The following MYO9A variants were observed in gnomAD, a reference collection of about 807,000 sequenced individuals.
MYO9A encodes the protein myosin IXA.
MYO9A carries 103 observed loss-of-function variants against 293.3 expected under a neutral mutation model. The ratio of observed to expected loss-of-function variants is 0.35; its 90% CI spans 0.30 to 0.41. The LOEUF is 0.41. MYO9A is among the 10% of genes least tolerant of loss of function. The probability of loss-of-function intolerance (pLI) is 1.00; values close to 1 mark genes in which losing one functional copy is unlikely to be tolerated. For missense variants in MYO9A, 2,685 were observed against 3,033.0 expected (o/e 0.89, Z 2.69); for synonymous variants, 1,001 against 1,035.7 (o/e 0.97, Z 0.64).
At chr15:72,072,874 A>T (rs145379833) in intron 1 of MYO9A, among the ~76,000 whole-genome samples, 171 of 152,226 alleles carry the variant, frequency 1.1e-3, no homozygotes, top group African/African-American at 3.9e-3. Context: ...AGGAACCCGC[A>T]CGTATACACC....
intron 30 of MYO9A, 131 bp downstream of exon 30, chr15:71,879,590 C>T (rs1231713778): frequency 1.5e-6 from 1 of 645,758 alleles, no homozygotes; most frequent in Non-Finnish European, 2.6e-6. Flanking sequence ...TTTTCCTTGT[C>T]TATCCCTAAA....
intron 26 of MYO9A, among the ~76,000 whole-genome samples, chr15:71,888,822 T>C (rs181399311): frequency 6.6e-6 from 1 of 152,316 alleles, no homozygotes; most frequent in Non-Finnish European, 1.5e-5. Flanking sequence ...CCTTTTGGTC[T>C]GCCTCACTAT....
At chr15:71,833,837 G>A (rs2054829021) in intron 39 of MYO9A, among the ~76,000 whole-genome samples, 1 of 151,868 alleles carries the variant, frequency 6.6e-6, no homozygotes, top group Non-Finnish European at 1.5e-5. Flanking sequence ...AAAATATTTT[G>A]AATGAAACAA....
intron 2 of MYO9A, among the ~76,000 whole-genome samples, chr15:72,039,328 C>T (rs2078156590): frequency 6.6e-6 from 1 of 152,110 alleles, no homozygotes; most frequent in African/African-American, 2.4e-5. Context: ...TCCGTTTGTA[C>T]TTAATTTGGC....
At chr15:72,032,725 T>G in intron 2 of MYO9A, 137 bp from the exon 3 acceptor site, 1 of 477,586 alleles carries the variant, frequency 2.1e-6, no homozygotes, top group Non-Finnish European at 3.5e-6. Flanking sequence ...TGCTTGTATG[T>G]TCAGACTCAT....
intron 1 of MYO9A, among the ~76,000 whole-genome samples, chr15:72,060,196 A>AGTCTTCTTTTTCCCCTTCCACT: frequency 6.6e-6 from 1 of 152,200 alleles, no homozygotes; most frequent in Non-Finnish European, 1.5e-5. Context: ...CCTCAACCAC[A>AGTCTTCTTTTTCCCCTTCCACT]GTCTTCTTTT....
chr15:72,048,689 A>T (rs945263679), intron 1 of MYO9A, among the ~76,000 whole-genome samples: 3 of 152,174 alleles, frequency 2.0e-5, no homozygotes, highest in Non-Finnish European at 4.4e-5. Context: ...GTTCTTTACA[A>T]ATTTTACCTT....
chr15:71,839,603 T>A (rs2055071777), intron 39 of MYO9A, among the ~76,000 whole-genome samples: 2 of 152,072 alleles, frequency 1.3e-5, no homozygotes, highest in African/African-American at 4.8e-5. Flanking sequence ...AGAGATGATA[T>A]CTCGCATTGT....
chr15:71,939,026 A>G (rs2058705122), intron 15 of MYO9A, 99 bp from the exon 16 acceptor site: 1 of 811,116 alleles, frequency 1.2e-6, no homozygotes, highest in African/African-American at 1.8e-5. Context: ...AATCACGAGT[A>G]TTTGCTAAAT....
intron 19 of MYO9A, 110 bp from the exon 20 acceptor site, chr15:71,905,116 C>T: frequency 4.7e-6 from 4 of 856,760 alleles, no homozygotes; most frequent in Non-Finnish European, 6.8e-6. Context: ...TAGAGGTACA[C>T]ATAGAAAGAG....
rs1480748605 is a variant in MYO9A at position 71,879,786 on chromosome 15, C to T, written c.5674G>A (p.Val1892Ile). 5 of 1,613,666 alleles carry T rather than the reference C, an allele frequency of 3.1e-6. No homozygotes were observed. In the South Asian group the frequency reaches 5.5e-5, roughly 18 times the overall value. ...AATTCCTTCAGGGCTTTTTTAAATA[C>T]AACATCCACTAGTGTATCCTTCTTG... Reference protein sequence around the residue: ...DSKKDTLVDVVFKKALKEFRQ... With the variant: ...DSKKDTLVDVIFKKALKEFRQ... The change falls in exon 30 of 42, where the codon GTA becomes ATA. Residue 1892 changes from valine (V) to isoleucine (I), a missense_variant. Coordinates refer to ENST00000356056, the MANE Select transcript of MYO9A (RefSeq NM_006901.4).
chr15:71,931,022 G>T (rs199901524), intron 18 of MYO9A, among the ~76,000 whole-genome samples: 4 of 152,022 alleles, frequency 2.6e-5, no homozygotes, highest in East Asian at 3.9e-4. Context: ...TTTATAATTT[G>T]TGTCCCTTCA....
chr15:71,888,979 G>A (rs1596114906), intron 26 of MYO9A, among the ~76,000 whole-genome samples: 1 of 152,154 alleles, frequency 6.6e-6, no homozygotes, highest in Admixed American at 6.5e-5. Flanking sequence ...AGATACCCCT[G>A]AGAGATGGGA....
intron 33 of MYO9A, among the ~76,000 whole-genome samples, chr15:71,860,991 A>AAAAAAAAAAAAAAAAAAC (rs2056098018): frequency 1.3e-5 from 2 of 150,970 alleles, no homozygotes; most frequent in Admixed American, 6.6e-5. Flanking sequence ...AAAAAAAAAA[A>AAAAAAAAAAAAAAAAAAC]AAATCAAACC....
At chr15:72,064,318 T>C (rs900603660) in intron 1 of MYO9A, among the ~76,000 whole-genome samples, 1 of 152,148 alleles carries the variant, frequency 6.6e-6, no homozygotes, top group African/African-American at 2.4e-5. Context: ...GAAGTATAAT[T>C]GGAATGTTTG....
intron 32 of MYO9A, among the ~76,000 whole-genome samples, chr15:71,864,095 T>C (rs2056242419): frequency 6.6e-6 from 1 of 152,222 alleles, no homozygotes; most frequent in Non-Finnish European, 1.5e-5. Context: ...CTAGTCATTA[T>C]ATTAGAATGT....
At chr15:71,938,059 C>G (rs1361415278) in intron 16 of MYO9A, among the ~76,000 whole-genome samples, 1 of 152,048 alleles carries the variant, frequency 6.6e-6, no homozygotes, top group Non-Finnish European at 1.5e-5. Context: ...TGGGCTGTGA[C>G]AGATCTTGCA....
chr15:72,105,429 G>A (rs184792466), intron 1 of MYO9A, among the ~76,000 whole-genome samples: 35 of 149,172 alleles, frequency 2.3e-4, no homozygotes, highest in African/African-American at 7.9e-4. Context: ...GTCTCATTAT[G>A]TTGCCCAAGC....
intron 1 of MYO9A, among the ~76,000 whole-genome samples, chr15:72,106,745 C>T (rs971664668): frequency 6.6e-6 from 1 of 152,066 alleles, no homozygotes; most frequent in Non-Finnish European, 1.5e-5. Context: ...GGATTACAGG[C>T]GTGAGCCATA....
Sources: allele counts gnomAD v4.1 joint callset (sites outside exome capture counted in the v4.1 genomes callset), GRCh38; gene constraint gnomAD v4.1.1; transcripts MANE v1.5; gene names NCBI Gene and HGNC (gene_info 2026-07-23, HGNC 2026-07-21).